Variants in GNAQ observed in about 807,000 individuals in gnomAD.
GNAQ encodes guanine nucleotide-binding protein G(q) subunit alpha.
Under a neutral mutation model 43.9 loss-of-function variants are expected in GNAQ, and 8 were observed. That is an observed-to-expected ratio of 0.18 (90% CI 0.11 to 0.33). The LOEUF (loss-of-function observed/expected upper bound fraction) is 0.33, where lower values mean the gene tolerates loss of function less well. Among genes scored for constraint, GNAQ ranks in the 10% least tolerant of loss-of-function variants. The pLI is 1.00. For synonymous variants in GNAQ, 155 were observed against 170.7 expected, an observed-to-expected ratio of 0.91 and a Z score of 0.71; for missense variants, 158 against 450.8, an observed-to-expected ratio of 0.35 and a Z score of 5.88.
At chr9:77,823,381 C>G (rs1014590831) in intron 2 of GNAQ, among the ~76,000 whole-genome samples, 3 of 152,052 alleles carry the variant, frequency 2.0e-5, no homozygotes, top group Admixed American at 6.6e-5. Flanking sequence ...AAAAAGTTAC[C>G]TGGACCACTG....
intron 2 of GNAQ, among the ~76,000 whole-genome samples, chr9:77,837,021 G>T (rs1220863099): frequency 6.6e-6 from 1 of 152,116 alleles, no homozygotes; most frequent in Non-Finnish European, 1.5e-5. Context: ...CTTGTAGGAG[G>T]AACTTTTAGG....
intron 5 of GNAQ, among the ~76,000 whole-genome samples, chr9:77,745,792 C>T (rs1369985955): frequency 6.6e-6 from 1 of 151,754 alleles, no homozygotes; most frequent in Non-Finnish European, 1.5e-5. Context: ...GTTTCCTCTT[C>T]AGCTAAAAGA....
chr9:78,023,957 C>CAATATGTGTGTGTTTATACACACAT (rs1823944505), intron 1 of GNAQ, among the ~76,000 whole-genome samples: 1 of 152,166 alleles, frequency 6.6e-6, no homozygotes, highest in Non-Finnish European at 1.5e-5. Flanking sequence ...TATACACACA[C>CAATATGTGTGTGTTTATACACACAT]ACACACTATA....
At chr9:77,917,055 C>T (rs1587408056) in intron 2 of GNAQ, among the ~76,000 whole-genome samples, 2 of 151,996 alleles carry the variant, frequency 1.3e-5, no homozygotes, top group African/African-American at 2.4e-5. Context: ...TGGCATGTTA[C>T]GGAGGAGATA....
At chr9:77,997,538 AG>A (rs1206250032) in intron 1 of GNAQ, among the ~76,000 whole-genome samples, 1 of 152,150 alleles carries the variant, frequency 6.6e-6, no homozygotes, top group Non-Finnish European at 1.5e-5. Flanking sequence ...GTGCAAGTAA[AG>A]TCAGGTACAG....
At chr9:77,793,704 C>G (rs1826612571) in intron 5 of GNAQ, among the ~76,000 whole-genome samples, 1 of 152,144 alleles carries the variant, frequency 6.6e-6, no homozygotes, top group African/African-American at 2.4e-5. Context: ...TCCCCCAACA[C>G]ACACATACAC....
At chr9:77,782,375 G>A (rs1167928729) in intron 5 of GNAQ, among the ~76,000 whole-genome samples, 1 of 152,110 alleles carries the variant, frequency 6.6e-6, no homozygotes, top group Non-Finnish European at 1.5e-5. Flanking sequence ...ATACATAGAA[G>A]GCAAATAAAT....
chr9:77,985,499 C>A (rs577018670), intron 1 of GNAQ, among the ~76,000 whole-genome samples: 4 of 152,120 alleles, frequency 2.6e-5, no homozygotes, highest in African/African-American at 9.6e-5. Context: ...TATTACATAC[C>A]CTATAAAAGT....
chr9:77,890,837 A>G (rs1418478865), intron 2 of GNAQ, among the ~76,000 whole-genome samples: 1 of 152,212 alleles, frequency 6.6e-6, no homozygotes, highest in Non-Finnish European at 1.5e-5. Context: ...AGATGGTAGT[A>G]TCTTACTCAA....
At chr9:77,932,643 C>T (rs907960612) in intron 1 of GNAQ, among the ~76,000 whole-genome samples, 2 of 152,104 alleles carry the variant, frequency 1.3e-5, no homozygotes, top group African/African-American at 4.8e-5. Flanking sequence ...GTGGTTGTGG[C>T]ACAGCAGCTG....
intron 2 of GNAQ, among the ~76,000 whole-genome samples, chr9:77,880,871 G>A (rs933500678): frequency 6.6e-5 from 10 of 152,274 alleles, no homozygotes; most frequent in African/African-American, 2.2e-4. Context: ...TGACAGGTTT[G>A]AGGCTGAAGA....
intron 1 of GNAQ, among the ~76,000 whole-genome samples, chr9:77,995,031 G>A (rs191368969): frequency 6.6e-6 from 1 of 152,254 alleles, no homozygotes; most frequent in East Asian, 1.9e-4. Context: ...ACTGATATAT[G>A]GGCTATGTGT....
chr9:77,953,825 T>G (rs1320976327), intron 1 of GNAQ, among the ~76,000 whole-genome samples: 1 of 152,156 alleles, frequency 6.6e-6, no homozygotes, highest in African/African-American at 2.4e-5. Flanking sequence ...AAGTAACAGT[T>G]ACAAAGAACT....
intron 2 of GNAQ, among the ~76,000 whole-genome samples, chr9:77,913,351 A>G (rs1188548484): frequency 1.3e-5 from 2 of 150,942 alleles, no homozygotes; most frequent in African/African-American, 4.8e-5. Context: ...ATGTCATACA[A>G]CTGTACTGTC....
chr9:77,820,546 T>C (rs115866665), intron 2 of GNAQ, among the ~76,000 whole-genome samples: 1,548 of 152,308 alleles, frequency 0.01, 26 homozygotes, highest in African/African-American at 0.036. Context: ...TCAGCAAAAT[T>C]AGAAATTACT....
At chr9:77,927,682 G>A (rs1003851432) in intron 1 of GNAQ, among the ~76,000 whole-genome samples, 1 of 151,866 alleles carries the variant, frequency 6.6e-6, no homozygotes, top group Non-Finnish European at 1.5e-5. Flanking sequence ...TCTCTGTTAT[G>A]CCAAAACAGT....
chr9:77,891,963 AT>A (rs1467003499), intron 2 of GNAQ, among the ~76,000 whole-genome samples: 5 of 152,330 alleles, frequency 3.3e-5, no homozygotes, highest in African/African-American at 1.2e-4. Flanking sequence ...AAGCCTTTAA[AT>A]ACTAATTTCA....
chr9:77,765,744 A>G (rs1025575276), intron 5 of GNAQ, among the ~76,000 whole-genome samples: 3 of 152,264 alleles, frequency 2.0e-5, no homozygotes, highest in Non-Finnish European at 4.4e-5. Context: ...TGCTCCAGCA[A>G]TTCCACTTCT....
In GNAQ at chr9:77,956,237, C is replaced by T. The variant is rs186952203; in HGVS notation, c.137-33892G>A. 3.3e-5 allele frequency among the ~76,000 whole-genome samples: 5 copies of T among 152,248 alleles called. No homozygotes were observed. In the East Asian group the frequency reaches 9.7e-4, roughly 29 times the overall value. The stretch of plus-strand genomic sequence containing the variant: ...AGAAATCCAGTATCATTTCATCTTA[C>T]ACTAATTAGACCCCAAAATTGAAGC... On this transcript the variant is annotated intron_variant, in intron 1 of 6. Coordinates refer to ENST00000286548, the MANE Select transcript of GNAQ (RefSeq NM_002072.5).
Sources: allele counts gnomAD v4.1 joint callset (sites outside exome capture counted in the v4.1 genomes callset), GRCh38; gene constraint gnomAD v4.1.1; transcripts MANE v1.5; gene names NCBI Gene and HGNC (gene_info 2026-07-23, HGNC 2026-07-21).